The following KCNMA1 variants were observed in gnomAD, a reference collection of about 807,000 sequenced individuals.
The protein encoded by KCNMA1 is potassium calcium-activated channel subfamily M alpha 1.
In KCNMA1, 29 loss-of-function variants were observed where a neutral mutation model predicts 140.0. That is an observed-to-expected ratio of 0.21 (90% CI 0.15 to 0.28). The LOEUF (loss-of-function observed/expected upper bound fraction) is 0.28, where lower values mean the gene tolerates loss of function less well. Among genes scored for constraint, KCNMA1 ranks in the 10% least tolerant of loss-of-function variants. KCNMA1 has a pLI of 1.00. For missense variants in KCNMA1, 880 were observed against 1,602.2 expected (o/e 0.55, Z 7.70); for synonymous variants, 612 against 611.9 (o/e 1.00, Z 0.00).
chr10:77,410,957 T>C (rs2096605732), intron 1 of KCNMA1, among the ~76,000 whole-genome samples: 1 of 152,272 alleles, frequency 6.6e-6, no homozygotes, highest in Non-Finnish European at 1.5e-5. Flanking sequence ...CATTGTGTGC[T>C]GTCTGCAAGC....
chr10:76,913,817 G>A lies in KCNMA1; in HGVS notation c.3016+1119C>T, dbSNP rs113649310. On this transcript the variant is annotated intron_variant, in intron 24 of 27. Coordinates refer to ENST00000286628, the MANE Select transcript of KCNMA1 (RefSeq NM_001161352.2). ...GAGCAAATATGCTTTGGAAACAACT[G>A]CCAGGTCAGATGGGTGTGATCAAAG... is the stretch of plus-strand genomic sequence containing the variant. 1,772 of 461,344 alleles carry A rather than the reference G, an allele frequency of 3.8e-3. 25 individuals are homozygous for A. The highest frequency in any genetic ancestry group is 0.031 in the African/African-American group (1,578 of 50,926). 28.6% of individuals were successfully genotyped at this position (461,344 alleles called of 1,614,324 possible). A position where few individuals can be genotyped will look rare whatever the true frequency, so the allele number is the denominator to read the frequency against.
rs539803760 is a variant in KCNMA1, at chr10:77,306,251, C to A, written c.541-54995G>T. On this transcript the variant is annotated intron_variant, in intron 2 of 27. Transcript: ENST00000286628. ...GGGTCCCTGAAAGGGAAAGAGGAGA[C>A]AGACACTAAACAGAAAACTACATGG... is the stretch of plus-strand genomic sequence containing the variant. 3.3e-5 allele frequency among the ~76,000 whole-genome samples: 5 copies of A among 152,302 alleles called. No homozygotes were observed. In the South Asian group the frequency reaches 1.0e-3, roughly 32 times the overall value.
intron 9 of KCNMA1, among the ~76,000 whole-genome samples, chr10:77,095,082 T>C (rs1333547156): frequency 1.3e-5 from 2 of 152,232 alleles, no homozygotes; most frequent in Non-Finnish European, 2.9e-5. Flanking sequence ...AGAATCTTAA[T>C]GATCCATTTA....
At chr10:77,351,557 T>C (rs1282872481) in intron 2 of KCNMA1, among the ~76,000 whole-genome samples, 1 of 152,194 alleles carries the variant, frequency 6.6e-6, no homozygotes, top group African/African-American at 2.4e-5. Context: ...AGGGCAGCTG[T>C]AGTCTGCCCC....
intron 3 of KCNMA1, 166 bp downstream of exon 3, chr10:77,251,029 T>A: frequency 1.5e-6 from 1 of 663,272 alleles, no homozygotes; most frequent in African/African-American, 1.8e-5. Flanking sequence ...TCTGAGAACT[T>A]TCTTTCCCAT....
chr10:77,107,173 T>C (rs1280189865), intron 9 of KCNMA1, among the ~76,000 whole-genome samples: 2 of 152,036 alleles, frequency 1.3e-5, no homozygotes. Context: ...AATACAATGC[T>C]CCCAGTCTGA....
intron 5 of KCNMA1, among the ~76,000 whole-genome samples, chr10:77,140,945 G>A (rs1440530951): frequency 6.6e-6 from 1 of 152,174 alleles, no homozygotes; most frequent in African/African-American, 2.4e-5. Flanking sequence ...AGAGGCTGCA[G>A]TTTGGGGCCC....
intron 1 of KCNMA1, among the ~76,000 whole-genome samples, chr10:77,490,860 C>T (rs750467009): frequency 2.0e-5 from 3 of 152,168 alleles, no homozygotes; most frequent in Non-Finnish European, 4.4e-5. Flanking sequence ...CCTTATAGGG[C>T]TGCCACGTAC....
At chr10:77,390,168 C>T (rs2095762302) in intron 2 of KCNMA1, among the ~76,000 whole-genome samples, 1 of 152,164 alleles carries the variant, frequency 6.6e-6, no homozygotes, top group African/African-American at 2.4e-5. Context: ...GCGGCCCCCT[C>T]TATTTATGGA....
At chr10:76,894,925 G>C (rs1390641416) in intron 25 of KCNMA1, among the ~76,000 whole-genome samples, 2 of 152,102 alleles carry the variant, frequency 1.3e-5, no homozygotes, top group Admixed American at 1.3e-4. Flanking sequence ...ATTGTGTTAT[G>C]CCCAATTTCT....
At chr10:77,250,394 G>A (rs965051053) in intron 3 of KCNMA1, 7 of 152,294 alleles carry the variant, frequency 4.6e-5, no homozygotes, top group African/African-American at 1.7e-4. Flanking sequence ...TCAACTTCAT[G>A]ATTTGCAATA....
intron 5 of KCNMA1, among the ~76,000 whole-genome samples, chr10:77,181,200 C>G (rs928357887): frequency 6.6e-6 from 1 of 152,128 alleles, no homozygotes; most frequent in Non-Finnish European, 1.5e-5. Flanking sequence ...TTCATTTAAA[C>G]CCCCATTCTT....
chr10:77,301,600 C>T (rs1365327948), intron 2 of KCNMA1, among the ~76,000 whole-genome samples: 4 of 151,910 alleles, frequency 2.6e-5, no homozygotes, highest in Admixed American at 6.6e-5. Flanking sequence ...TTCATAGATA[C>T]AGTCCATCAA....
exon 28 of KCNMA1, chr10:76,870,788 G>A (rs1426581731): frequency 2.0e-5 from 3 of 152,270 alleles, no homozygotes; most frequent in Non-Finnish European, 2.9e-5. Flanking sequence ...CATAGTGGCC[G>A]AGTGACTGCC....
At chr10:77,257,837 C>T (rs904998442) in intron 2 of KCNMA1, among the ~76,000 whole-genome samples, 2 of 152,200 alleles carry the variant, frequency 1.3e-5, no homozygotes, top group African/African-American at 4.8e-5. Flanking sequence ...ACTTGCTCCT[C>T]CTTGCCTTCC....
intron 1 of KCNMA1, among the ~76,000 whole-genome samples, chr10:77,415,223 AATAC>A (rs1462480559): frequency 6.6e-6 from 1 of 151,698 alleles, no homozygotes; most frequent in African/African-American, 2.4e-5. Context: ...TTTCAGGGCT[AATAC>A]ATACATCCTG....
chr10:77,634,247 C>T, intron 1 of KCNMA1: 1 of 985,326 alleles, frequency 1.0e-6, no homozygotes, highest in Non-Finnish European at 1.2e-6. Flanking sequence ...AGGAAAAAAA[C>T]AATAATGTGA....
intron 1 of KCNMA1, among the ~76,000 whole-genome samples, chr10:77,533,928 C>T (rs1344964015): frequency 6.6e-6 from 1 of 152,170 alleles, no homozygotes; most frequent in African/African-American, 2.4e-5. Context: ...TGTTCTACTC[C>T]TGATTACAGA....
intron 15 of KCNMA1, among the ~76,000 whole-genome samples, chr10:77,037,220 A>G (rs1249468419): frequency 6.6e-6 from 1 of 152,180 alleles, no homozygotes; most frequent in East Asian, 1.9e-4. Context: ...AACTCACACA[A>G]CCACAGGGCC....
Sources: gnomAD v4.1 joint callset for allele counts (sites outside exome capture counted in the v4.1 genomes callset) on GRCh38, gnomAD v4.1.1 for gene constraint, MANE v1.5 for transcripts, NCBI Gene and HGNC (gene_info 2026-07-23, HGNC 2026-07-21) for gene names.